Variants in USH2A observed in about 807,000 individuals in gnomAD.
USH2A encodes the protein Usher syndrome 2A (autosomal recessive, mild).
A neutral mutation model predicts 538.9 loss-of-function variants in USH2A; 443 were observed. The observed-to-expected ratio is 0.82, with a 90% CI of 0.76 to 0.89. The LOEUF (loss-of-function observed/expected upper bound fraction) is 0.89, where lower values mean the gene tolerates loss of function less well. Among genes scored for constraint, USH2A ranks in the 40% least tolerant of loss-of-function variants. USH2A has a pLI of 0.00. For missense variants in USH2A, 6,633 were observed against 6,324.8 expected (o/e 1.05, Z -1.65); for synonymous variants, 2,413 against 2,273.5 (o/e 1.06, Z -1.75).
chr1:215,771,011 C>A (rs1259711928), intron 55 of USH2A, among the ~76,000 whole-genome samples: 2 of 150,028 alleles, frequency 1.3e-5, no homozygotes. Flanking sequence ...CCTGTAGTCC[C>A]AGCTGTTTGG....
intron 71 of USH2A, 99 bp downstream of exon 71, chr1:215,628,715 G>A (rs1277618690): frequency 1.3e-5 from 16 of 1,256,870 alleles, no homozygotes; most frequent in Non-Finnish European, 1.5e-5. Context: ...GCTCAGAGGC[G>A]AGTGCCATGG....
At chr1:216,422,662 T>G (rs578069112) in intron 1 of USH2A, 122 bp from the exon 2 acceptor site, 1 of 304,824 alleles carries the variant, frequency 3.3e-6, no homozygotes. Context: ...CAAAAAACAT[T>G]TTGAAGCACA....
intron 54 of USH2A, 43 bp from the exon 55 acceptor site, chr1:215,780,084 A>C: frequency 6.2e-7 from 1 of 1,600,084 alleles, no homozygotes; most frequent in South Asian, 1.1e-5. Context: ...GTAATAGTGC[A>C]CTAGCTATCC....
chr1:215,645,790 A>G (rs1656827870), intron 67 of USH2A, among the ~76,000 whole-genome samples: 1 of 152,238 alleles, frequency 6.6e-6, no homozygotes, highest in Non-Finnish European at 1.5e-5. Context: ...ACTAGTATCC[A>G]AAGCCTTAAA....
chr1:216,018,028 C>A (rs1668759086), intron 32 of USH2A, among the ~76,000 whole-genome samples: 1 of 152,236 alleles, frequency 6.6e-6, no homozygotes, highest in Middle Eastern at 3.4e-3. Context: ...TATAAGAAAC[C>A]TTCTCAAACT....
chr1:215,732,558 T>C (rs1425130654), intron 60 of USH2A, among the ~76,000 whole-genome samples: 1 of 129,974 alleles, frequency 7.7e-6, no homozygotes, highest in Non-Finnish European at 1.6e-5. Context: ...TTTTTTTTTT[T>C]TTTTTTTTTT....
At chr1:216,127,709 C>T (rs1009954908) in intron 21 of USH2A, among the ~76,000 whole-genome samples, 2 of 152,120 alleles carry the variant, frequency 1.3e-5, no homozygotes, top group African/African-American at 2.4e-5. Flanking sequence ...ATTTGTGAGC[C>T]TAAAAATCAA....
intron 21 of USH2A, among the ~76,000 whole-genome samples, chr1:216,111,128 G>A (rs1434167303): frequency 5.9e-5 from 9 of 152,118 alleles, no homozygotes; most frequent in Admixed American, 5.9e-4. Context: ...GGAGGTTGCG[G>A]CAAGGTAAAC....
At chr1:215,632,070 TG>T (rs1273506070) in intron 70 of USH2A, among the ~76,000 whole-genome samples, 1 of 152,216 alleles carries the variant, frequency 6.6e-6, no homozygotes, top group Non-Finnish European at 1.5e-5. Flanking sequence ...TGTTTTGTTT[TG>T]TTTTGTTTTG....
At chr1:215,921,099 T>A (rs1458277878) in intron 38 of USH2A, among the ~76,000 whole-genome samples, 1 of 151,624 alleles carries the variant, frequency 6.6e-6, no homozygotes, top group Non-Finnish European at 1.5e-5. Context: ...TTAAGAAAGT[T>A]TGTTAATTTT....
intron 46 of USH2A, among the ~76,000 whole-genome samples, chr1:215,843,236 C>T (rs1376552192): frequency 6.6e-6 from 1 of 152,090 alleles, no homozygotes; most frequent in Non-Finnish European, 1.5e-5. Context: ...TGCTTAATAT[C>T]TTCTGAAAAT....
At chr1:216,048,922 G>C (rs1396057179) in intron 30 of USH2A, among the ~76,000 whole-genome samples, 1 of 152,148 alleles carries the variant, frequency 6.6e-6, no homozygotes, top group Admixed American at 6.6e-5. Flanking sequence ...ATGGGGAGGG[G>C]GTTCCACATA....
At chr1:216,119,052 T>C (rs759290333) in intron 21 of USH2A, among the ~76,000 whole-genome samples, 2 of 152,198 alleles carry the variant, frequency 1.3e-5, no homozygotes, top group African/African-American at 2.4e-5. Context: ...TTCATCACAA[T>C]ACAGAAATTA....
chr1:215,924,176 T>C (rs1418767474), intron 38 of USH2A, among the ~76,000 whole-genome samples: 1 of 152,262 alleles, frequency 6.6e-6, no homozygotes, highest in African/African-American at 2.4e-5. Flanking sequence ...TACCCTCATG[T>C]TTCTAGTTTC....
chr1:216,181,649 G>C (rs1036566992), intron 20 of USH2A, among the ~76,000 whole-genome samples: 2 of 152,080 alleles, frequency 1.3e-5, no homozygotes, highest in African/African-American at 4.8e-5. Flanking sequence ...TAGCAGCAAT[G>C]ATGACAGCAA....
chr1:215,870,009 T>C (rs1354736941), intron 43 of USH2A, among the ~76,000 whole-genome samples: 2 of 152,184 alleles, frequency 1.3e-5, no homozygotes, highest in African/African-American at 4.8e-5. Flanking sequence ...AGAGTTTATC[T>C]GCTACAAATA....
chr1:215,934,671 T>C lies in USH2A; in HGVS notation c.7245A>G (p.Ser2415=), dbSNP rs756725092. The change falls in exon 38 of 72, where the codon TCA becomes TCG. Residue 2415 remains serine (S), a synonymous_variant. Transcript: ENST00000307340. ...FTNYTVQVNI[S]NSQGSLITDP... ...CAGTTATCAAGCTGCCTTGGCTATTTGAAATATTCACTTGTACAGTATAGT... is the reference window on the plus strand; with the variant it reads ...CAGTTATCAAGCTGCCTTGGCTATTCGAAATATTCACTTGTACAGTATAGT... 10 of 1,612,830 alleles carry C rather than the reference T, an allele frequency of 6.2e-6. No individual in the cohort carries two copies. Among genetic ancestry groups the C allele is most frequent in the South Asian group, 3.3e-5 (3 of 91,056 alleles).
chr1:215,908,902 C>T (rs1483796324), intron 38 of USH2A, among the ~76,000 whole-genome samples: 1 of 151,234 alleles, frequency 6.6e-6, no homozygotes, highest in South Asian at 2.1e-4. Flanking sequence ...ATTTATACTA[C>T]CATCACTAAG....
intron 41 of USH2A, among the ~76,000 whole-genome samples, chr1:215,879,586 G>A (rs552435813): frequency 2.0e-5 from 3 of 152,206 alleles, no homozygotes; most frequent in Non-Finnish European, 4.4e-5. Flanking sequence ...CATATTTTCC[G>A]AAGATGCAAA....
Sources: allele counts gnomAD v4.1 joint callset (sites outside exome capture counted in the v4.1 genomes callset), GRCh38; gene constraint gnomAD v4.1.1; transcripts MANE v1.5; gene names NCBI Gene and HGNC (gene_info 2026-07-23, HGNC 2026-07-21).